KIRREL3: variants seen among roughly 807,000 people sequenced by gnomAD.
The protein encoded by KIRREL3 is kin of IRRE-like protein 3.
A neutral mutation model predicts 89.7 loss-of-function variants in KIRREL3; 36 were observed. The observed-to-expected ratio is 0.40, with a 90% CI of 0.31 to 0.53. KIRREL3 has a LOEUF of 0.53. Among genes scored for constraint, KIRREL3 ranks in the 20% least tolerant of loss-of-function variants. The pLI is 0.49. For missense variants in KIRREL3, 864 were observed against 1,056.6 expected (o/e 0.82, Z 2.53); for synonymous variants, 445 against 441.4 (o/e 1.01, Z -0.10).
At chr11:126,588,278 C>A (rs1374740939) in intron 1 of KIRREL3, among the ~76,000 whole-genome samples, 2 of 152,224 alleles carry the variant, frequency 1.3e-5, no homozygotes, top group Non-Finnish European at 2.9e-5. Flanking sequence ...CTTTGATACT[C>A]AGCTTCTCTG....
chr11:126,933,507 A>G lies in KIRREL3; in HGVS notation c.55+66948T>C, dbSNP rs1159897526. Among the ~76,000 whole-genome samples, 3 of 151,148 alleles carry G rather than the reference A, an allele frequency of 2.0e-5. No homozygotes were observed. In the Admixed American group the frequency reaches 2.0e-4, roughly 10 times the overall value. On this transcript the variant is annotated intron_variant, in intron 1 of 16. Coordinates refer to ENST00000525144, the MANE Select transcript of KIRREL3 (RefSeq NM_032531.4). The stretch of plus-strand genomic sequence containing the variant: ...TTGGCAACTAGATTGGAAGGAAAGC[A>G]GAAGGAAAACTGTCTTTATTTGTAG...
intron 1 of KIRREL3, among the ~76,000 whole-genome samples, chr11:126,857,789 G>GGGGCGC (rs748059523): frequency 1.6e-5 from 1 of 61,144 alleles, no homozygotes; most frequent in Admixed American, 1.7e-4. Flanking sequence ...CTGTGGGGGT[G>GGGGCGC]GGGTGGGTGA....
Position 126,523,859 on chromosome 11 carries a change from G to A in KIRREL3, c.284-2395C>T, listed in dbSNP as rs1958669898. Among the ~76,000 whole-genome samples the A allele has an allele frequency of 2.6e-5, 4 of 152,302 alleles. No homozygotes were observed. The South Asian group carries it at 8.3e-4, about 32-fold the overall frequency. ...GTTTCTGTTGTCTTGCAAGCTATCA[G>A]CAGCAGGATTTTGCTCTCACGAGCT... On this transcript the variant is annotated intron_variant, in intron 3 of 16. Transcript: ENST00000525144. This position sits in a 1 kb window ranked among gnomAD's most constrained non-coding sequence, Gnocchi z 4.9.
intron 2 of KIRREL3, among the ~76,000 whole-genome samples, chr11:126,538,293 G>T (rs191244005): frequency 2.0e-5 from 3 of 152,174 alleles, no homozygotes; most frequent in Non-Finnish European, 4.4e-5. Flanking sequence ...TACTTATACT[G>T]GGGTTATTTA....
At chr11:126,503,367 A>C (rs1167804255) in intron 4 of KIRREL3, among the ~76,000 whole-genome samples, 1 of 152,070 alleles carries the variant, frequency 6.6e-6, no homozygotes, top group African/African-American at 2.4e-5. Context: ...CCATCTCTAA[A>C]CATCTGCTCT....
intron 4 of KIRREL3, among the ~76,000 whole-genome samples, chr11:126,518,521 A>C (rs1255283525): frequency 1.3e-5 from 2 of 152,248 alleles, no homozygotes; most frequent in Admixed American, 1.3e-4. Context: ...ATTTAATTAA[A>C]AATCTATCTC....
At chr11:126,878,579 G>A (rs1945378865) in intron 1 of KIRREL3, among the ~76,000 whole-genome samples, 3 of 151,608 alleles carry the variant, frequency 2.0e-5, no homozygotes, top group African/African-American at 7.3e-5. Context: ...AAAAATAAAA[G>A]TCAATGTGAT....
Position 126,612,030 on chromosome 11 carries a change from C to T in KIRREL3, c.56-49118G>A, listed in dbSNP as rs1427432540. On this transcript the variant is annotated intron_variant, in intron 1 of 16. Coordinates refer to ENST00000525144, the MANE Select transcript of KIRREL3 (RefSeq NM_032531.4). The surrounding 1 kb of genome is among the most constrained non-coding windows in gnomAD (Gnocchi z 4.5). Reference sequence around the variant, plus strand: ...TCAGCCCCTGTGCACTCTCATGTTACCTGTGCATCTCCTTCACAACTCACG... The same window carrying T: ...TCAGCCCCTGTGCACTCTCATGTTATCTGTGCATCTCCTTCACAACTCACG... Among the ~76,000 whole-genome samples, 2 of 152,202 alleles carry T rather than the reference C, an allele frequency of 1.3e-5. No individual in the cohort carries two copies. The highest frequency in any genetic ancestry group is 4.8e-5 in the African/African-American group (2 of 41,452).
At position 126,496,429 on chromosome 11, in the gene KIRREL3, C is replaced by T. The variant is rs1168415123; in HGVS notation, c.434-22963G>A. ...GGTACACAGCTGAAAAATGAAAGGG[C>T]CAGTCTTAGGGCCTAGGAATTCCCA... On this transcript the variant is annotated intron_variant, in intron 4 of 16. Transcript: ENST00000525144. The surrounding 1 kb of genome is among the most constrained non-coding windows in gnomAD (Gnocchi z 4.9). Among the ~76,000 whole-genome samples the T allele has an allele frequency of 6.6e-6, 1 of 152,070 alleles. No individual in the cohort carries two copies. The highest frequency in any genetic ancestry group is 1.5e-5 in the Non-Finnish European group (1 of 68,014).
chr11:126,823,792 A>G (rs891095994), intron 1 of KIRREL3, among the ~76,000 whole-genome samples: 1 of 152,202 alleles, frequency 6.6e-6, no homozygotes, highest in African/African-American at 2.4e-5. Context: ...AAAGGAAAAC[A>G]AGCTTTCTGC....
At chr11:126,617,369 A>C (rs1040751659) in intron 1 of KIRREL3, among the ~76,000 whole-genome samples, 1 of 152,238 alleles carries the variant, frequency 6.6e-6, no homozygotes, top group African/African-American at 2.4e-5. Context: ...ACTGCAGAGA[A>C]GTTTGGGGCT....
intron 4 of KIRREL3, among the ~76,000 whole-genome samples, chr11:126,479,011 G>A (rs1035305739): frequency 3.3e-5 from 5 of 152,340 alleles, no homozygotes; most frequent in South Asian, 2.1e-4. Context: ...CTGTTTCTCC[G>A]TGGCTGCTGT....
chr11:126,794,643 C>G (rs953075756), intron 1 of KIRREL3, among the ~76,000 whole-genome samples: 2 of 152,190 alleles, frequency 1.3e-5, no homozygotes, highest in Non-Finnish European at 2.9e-5. Context: ...AGGAACATCC[C>G]TGGAATGAAT....
rs572048222 is a variant in KIRREL3 at position 126,689,742 on chromosome 11, C to G, written c.56-126830G>C. The stretch of plus-strand genomic sequence containing the variant: ...CTTCCTGTCACTTTTCTTTGGCCAC[C>G]TGGGTCTCAGCAGAGGCCCTCCCAA... On this transcript the variant is annotated intron_variant, in intron 1 of 16. Transcript: ENST00000525144. This position sits in a 1 kb window ranked among gnomAD's most constrained non-coding sequence, Gnocchi z 5.2. Among the ~76,000 whole-genome samples the G allele has an allele frequency of 6.6e-6, 1 of 152,240 alleles. No homozygotes were observed. The highest frequency in any genetic ancestry group is 1.5e-5 in the Non-Finnish European group (1 of 68,036).
intron 1 of KIRREL3, among the ~76,000 whole-genome samples, chr11:126,584,469 C>T (rs1163586392): frequency 1.3e-5 from 2 of 152,168 alleles, no homozygotes; most frequent in East Asian, 3.8e-4. Flanking sequence ...CATACAAAGC[C>T]CCCAGTAGTC....
At position 126,474,405 on chromosome 11, in the gene KIRREL3, C is replaced by T. The variant is rs111602743; in HGVS notation, c.434-939G>A. Among the ~76,000 whole-genome samples the T allele has an allele frequency of 9.1e-3, 1,391 of 152,340 alleles. 20 individuals carry two copies. Among genetic ancestry groups the T allele is most frequent in the African/African-American group, 0.029 (1,186 of 41,584 alleles). On this transcript the variant is annotated intron_variant, in intron 4 of 16. Transcript: ENST00000525144. The surrounding 1 kb of genome is among the most constrained non-coding windows in gnomAD (Gnocchi z 6.7). ...GGCTCAAGGTCACATGGTGGCAGAG[C>T]CAGGGCTGGAGGCCAGGCCCAGGGA... is the stretch of plus-strand genomic sequence containing the variant.
intron 1 of KIRREL3, among the ~76,000 whole-genome samples, chr11:126,915,789 A>G (rs1480910153): frequency 6.6e-6 from 1 of 152,218 alleles, no homozygotes; most frequent in African/African-American, 2.4e-5. Flanking sequence ...TTTCTGACAT[A>G]AAGTGATCTT....
At position 126,489,653 on chromosome 11, in the gene KIRREL3, C is replaced by T. The variant is rs369921845; in HGVS notation, c.434-16187G>A. 2.6e-5 allele frequency among the ~76,000 whole-genome samples: 4 copies of T among 152,126 alleles called. No individual in the cohort carries two copies. Among genetic ancestry groups the T allele is most frequent in the Non-Finnish European group, 5.9e-5 (4 of 68,020 alleles). ...CCCCTGGCTTTCCTGAGACCTTGGA[C>T]GTGCCCCTTCCCCTCTGCATTCCCC... On this transcript the variant is annotated intron_variant, in intron 4 of 16. Transcript: ENST00000525144. This position sits in a 1 kb window ranked among gnomAD's most constrained non-coding sequence, Gnocchi z 5.5.
At chr11:126,839,966 T>C (rs1401910994) in intron 1 of KIRREL3, among the ~76,000 whole-genome samples, 2 of 152,182 alleles carry the variant, frequency 1.3e-5, no homozygotes, top group Non-Finnish European at 2.9e-5. Flanking sequence ...ATACTCTTGA[T>C]TGCAGGAAGG....
Sources: allele counts gnomAD v4.1 joint callset (sites outside exome capture counted in the v4.1 genomes callset), GRCh38; gene constraint gnomAD v4.1.1; non-coding constraint Gnocchi (gnomAD v3.1); transcripts MANE v1.5; gene names NCBI Gene and HGNC (gene_info 2026-07-23, HGNC 2026-07-21).